PTPN3: variants seen among roughly 807,000 people sequenced by gnomAD.
PTPN3 encodes protein tyrosine phosphatase non-receptor type 3, also known as tyrosine-protein phosphatase non-receptor type 3.
PTPN3 carries 96 observed loss-of-function variants against 132.7 expected under a neutral mutation model. The observed-to-expected ratio is 0.72, with a 90% CI of 0.61 to 0.86. The LOEUF (loss-of-function observed/expected upper bound fraction) is 0.86, where lower values mean the gene tolerates loss of function less well. PTPN3 is among the 40% of genes least tolerant of loss of function. The probability of loss-of-function intolerance (pLI) is 0.00; values close to 1 mark genes in which losing one functional copy is unlikely to be tolerated. For synonymous variants in PTPN3, 398 were observed against 429.0 expected (o/e 0.93, Z 0.89); for missense variants, 1,125 against 1,159.6 (o/e 0.97, Z 0.43).
At chr9:109,393,527 T>C (rs1435310844) in intron 19 of PTPN3, among the ~76,000 whole-genome samples, 1 of 151,730 alleles carries the variant, frequency 6.6e-6, no homozygotes, top group East Asian at 1.9e-4. Flanking sequence ...GCTGGGATTA[T>C]AGGTATCCAT....
intron 1 of PTPN3, among the ~76,000 whole-genome samples, chr9:109,497,519 G>C (rs1847723378): frequency 2.0e-5 from 3 of 152,082 alleles, no homozygotes; most frequent in Admixed American, 2.0e-4. Context: ...GGAAAACCCA[G>C]GTGTCAAGTT....
chr9:109,525,806 G>T, the PTPN3 span, among the ~76,000 whole-genome samples: 1 of 152,170 alleles, frequency 6.6e-6, no homozygotes, highest in East Asian at 1.9e-4. Context: ...CTTGATTGTG[G>T]TAGTTACATG....
chr9:109,424,176 A>T (rs1399775457), intron 12 of PTPN3, among the ~76,000 whole-genome samples: 1 of 152,228 alleles, frequency 6.6e-6, no homozygotes, highest in African/African-American at 2.4e-5. Context: ...TTGTCCCATA[A>T]GCTTGGAAAA....
At chr9:109,458,493 CTTTT>C (rs148093522) in intron 2 of PTPN3, among the ~76,000 whole-genome samples, 5,899 of 152,234 alleles carry the variant, frequency 0.039, 302 homozygotes, top group East Asian at 0.28. Flanking sequence ...AAGGTAGCTC[CTTTT>C]TTTGAGTGCC....
chr9:109,495,599 C>G (rs528068141), intron 1 of PTPN3, among the ~76,000 whole-genome samples: 2 of 152,304 alleles, frequency 1.3e-5, no homozygotes, highest in African/African-American at 4.8e-5. Flanking sequence ...CAGCAACAAA[C>G]CCCACTGTGT....
intron 2 of PTPN3, among the ~76,000 whole-genome samples, chr9:109,458,491 T>C (rs578061467): frequency 6.6e-6 from 1 of 151,532 alleles, no homozygotes; most frequent in African/African-American, 2.4e-5. Flanking sequence ...CAAAGGTAGC[T>C]CCTTTTTTTG....
intron 16 of PTPN3, among the ~76,000 whole-genome samples, 157 bp from the exon 17 acceptor site, chr9:109,408,534 G>C (rs1343271187): frequency 1.3e-5 from 2 of 151,868 alleles, no homozygotes; most frequent in African/African-American, 4.8e-5. Flanking sequence ...TGACTGATTC[G>C]AATCACACGT....
intron 1 of PTPN3, among the ~76,000 whole-genome samples, chr9:109,492,527 T>C (rs1042100298): frequency 6.6e-6 from 1 of 152,256 alleles, no homozygotes; most frequent in African/African-American, 2.4e-5. Context: ...ACCCCTTTTC[T>C]ATGCCAAGTT....
rs1034944256 is a variant in PTPN3 at position 109,449,535 on chromosome 9, C to T, written c.369-680G>A. The T allele has an allele frequency of 9.1e-6, 9 of 985,436 alleles. No homozygotes were observed. In the African/African-American group the frequency reaches 1.0e-4, roughly 11 times the overall value. 61.0% of individuals were successfully genotyped at this position (985,436 alleles called of 1,614,324 possible). A position where few individuals can be genotyped will look rare whatever the true frequency, so the allele number is the denominator to read the frequency against. On this transcript the variant is annotated intron_variant, in intron 5 of 25. Coordinates refer to ENST00000374541, the MANE Select transcript of PTPN3 (RefSeq NM_002829.4). ...TGTGGGCAAGTCGTGGCAGGCCCCTCAGCCTGTGACTTTGCTCCTCTGCCT... is the reference window on the plus strand; with the variant it reads ...TGTGGGCAAGTCGTGGCAGGCCCCTTAGCCTGTGACTTTGCTCCTCTGCCT...
rs1048709897 is a variant in PTPN3, at chr9:109,436,985, A to G, written c.588-15T>C. On this transcript the variant is annotated splice_polypyrimidine_tract_variant and intron_variant, in intron 8 of 25. Transcript: ENST00000374541. ...GTTTTAGCCCACTACGGAAGAAAAG[A>G]CAAAAAGCAGAGTTCATCCAATAAA... The G allele has an allele frequency of 1.2e-6, 2 of 1,613,462 alleles. No individual in the cohort carries two copies. The highest frequency in any genetic ancestry group is 1.7e-6 in the Non-Finnish European group (2 of 1,179,852).
the PTPN3 span, among the ~76,000 whole-genome samples, chr9:109,515,684 T>TA: frequency 6.6e-6 from 1 of 152,200 alleles, no homozygotes; most frequent in African/African-American, 2.4e-5. Context: ...AGGCTTCACT[T>TA]ATGGCAGAAG....
chr9:109,428,664 G>T lies in PTPN3; in HGVS notation c.785C>A (p.Ser262Tyr). ...TATGAAGAACTTTTTCCTTTTGAAA[G>T]AAATTTTGAGAATGTTCACCCTTCA... ...FYPWVNILKI[S>Y]FKRKKFFIHQ... is the part of the protein sequence containing the mutation. Residue 262 changes from serine to tyrosine, a missense_variant, in exon 11 of 26, where the codon TCT becomes TAT. Transcript: ENST00000374541. The T allele has an allele frequency of 6.2e-7, 1 of 1,613,470 alleles. No homozygotes were observed. The highest frequency in any genetic ancestry group is 8.5e-7 in the Non-Finnish European group (1 of 1,179,840).
intron 1 of PTPN3, among the ~76,000 whole-genome samples, chr9:109,480,353 C>T (rs1011515252): frequency 1.4e-4 from 21 of 152,114 alleles, no homozygotes; most frequent in African/African-American, 4.3e-4. Flanking sequence ...TTTGTAGAGA[C>T]GGGGTTTCAC....
In PTPN3 at chr9:109,377,457, C is replaced by CACACACAA. The variant is rs1422644975; in HGVS notation, c.*2098_*2099insTTGTGTGT. The stretch of plus-strand genomic sequence containing the variant: ...ACACACACACACACACACACACACA[C>CACACACAA]AAGCCAGGTGAGGTGGCATGTGCCT... On this transcript the variant is annotated 3_prime_UTR_variant, in exon 26 of 26. Transcript: ENST00000374541. 26 of 131,152 alleles carry CACACACAA rather than the reference C, an allele frequency of 2.0e-4. No individual in the cohort carries two copies. The highest frequency in any genetic ancestry group is 3.5e-4 in the Non-Finnish European group (22 of 62,798). 8.1% of individuals were successfully genotyped at this position (131,152 alleles called of 1,614,324 possible). A position where few individuals can be genotyped will look rare whatever the true frequency, so the allele number is the denominator to read the frequency against.
upstream of PTPN3, among the ~76,000 whole-genome samples, chr9:109,500,685 C>G (rs1236837090): frequency 6.6e-6 from 1 of 150,400 alleles, no homozygotes; most frequent in African/African-American, 2.4e-5. Flanking sequence ...AATCCCAGCA[C>G]TTTGGGAGAT....
intron 13 of PTPN3, 69 bp downstream of exon 13, chr9:109,422,649 T>C: frequency 6.8e-7 from 1 of 1,468,944 alleles, no homozygotes; most frequent in South Asian, 1.3e-5. Flanking sequence ...ATAAGTTGAG[T>C]TTTTATTTTT....
the PTPN3 span, chr9:109,532,960 T>G: frequency 4.4e-6 from 2 of 452,250 alleles, no homozygotes; most frequent in Non-Finnish European, 5.9e-6. Context: ...TTTTTTTTTT[T>G]TTTTTTTTTT....
At chr9:109,460,736 C>T (rs1434569256) in intron 2 of PTPN3, among the ~76,000 whole-genome samples, 2 of 152,160 alleles carry the variant, frequency 1.3e-5, no homozygotes, top group African/African-American at 2.4e-5. Context: ...GCACTCTCTC[C>T]CTCTTGCTCT....
chr9:109,475,741 CAGAAA>C (rs1481373366), intron 1 of PTPN3, among the ~76,000 whole-genome samples: 2 of 152,178 alleles, frequency 1.3e-5, no homozygotes, highest in Non-Finnish European at 2.9e-5. Context: ...CAGAAGCCTT[CAGAAA>C]AGAAAACAGC....
Sources: gnomAD v4.1 joint callset for allele counts (sites outside exome capture counted in the v4.1 genomes callset) on GRCh38, gnomAD v4.1.1 for gene constraint, MANE v1.5 for transcripts, NCBI Gene and HGNC (gene_info 2026-07-23, HGNC 2026-07-21) for gene names.